The following ATP11A variants were observed in gnomAD, a reference collection of about 807,000 sequenced individuals.
ATP11A encodes the protein ATPase phospholipid transporting 11A, also known as phospholipid-transporting ATPase IH.
Under a neutral mutation model 154.4 loss-of-function variants are expected in ATP11A, and 81 were observed. The observed-to-expected ratio is 0.52, with a 90% CI of 0.44 to 0.63. The LOEUF (loss-of-function observed/expected upper bound fraction) is 0.63. ATP11A is among the 30% of genes least tolerant of loss of function. The pLI, the probability that ATP11A is intolerant of heterozygous loss-of-function variation, is 0.00. For synonymous variants in ATP11A, 623 were observed against 585.9 expected (o/e 1.06, Z -0.91); for missense variants, 1,316 against 1,474.3 (o/e 0.89, Z 1.76).
chr13:112,692,353 G>T (rs949009525), intron 1 of ATP11A, among the ~76,000 whole-genome samples: 1 of 152,148 alleles, frequency 6.6e-6, no homozygotes, highest in Non-Finnish European at 1.5e-5. Context: ...AGATGGATGG[G>T]CCAGCCCGGC....
At chr13:112,706,874 T>C (rs1031944307) in intron 1 of ATP11A, among the ~76,000 whole-genome samples, 4 of 152,264 alleles carry the variant, frequency 2.6e-5, no homozygotes, top group South Asian at 2.1e-4. Context: ...TCAATGTGGT[T>C]ATGCCACACA....
At chr13:112,692,249 G>A (rs1334256538) in intron 1 of ATP11A, among the ~76,000 whole-genome samples, 1 of 152,186 alleles carries the variant, frequency 6.6e-6, no homozygotes. Flanking sequence ...TGCCCGCGGT[G>A]TTCCCAGTTC....
chr13:112,753,825 C>G lies in ATP11A; in HGVS notation c.40-31310C>G, dbSNP rs2076754077. ...GACACATAAATTATTTAACTGCAGT[C>G]AAACAGGCTTATGTTAGAAGCGCTT... On this transcript the variant is annotated intron_variant, in intron 1 of 29. Transcript: ENST00000375645. The surrounding 1 kb of genome is among the most constrained non-coding windows in gnomAD (Gnocchi z 4.1). Among the ~76,000 whole-genome samples the G allele has an allele frequency of 6.6e-6, 1 of 152,142 alleles. No homozygotes were observed. Among genetic ancestry groups the G allele is most frequent in the Non-Finnish European group, 1.5e-5 (1 of 68,034 alleles).
chr13:112,773,224 T>TGCCCC (rs892768592), intron 1 of ATP11A, among the ~76,000 whole-genome samples: 1 of 149,582 alleles, frequency 6.7e-6, no homozygotes, highest in Non-Finnish European at 1.5e-5. Flanking sequence ...TGCCCTGCCC[T>TGCCCC]GCCCCACCAT....
chr13:112,848,551 A>C (rs2079671798), intron 17 of ATP11A, among the ~76,000 whole-genome samples: 1 of 152,194 alleles, frequency 6.6e-6, no homozygotes, highest in Non-Finnish European at 1.5e-5. Flanking sequence ...TTTTCTCTTT[A>C]TAGCCTAATC....
intron 1 of ATP11A, among the ~76,000 whole-genome samples, chr13:112,764,008 G>A (rs2077018957): frequency 6.6e-6 from 1 of 152,246 alleles, no homozygotes; most frequent in African/African-American, 2.4e-5. Context: ...TAAATTGATT[G>A]AGAGCCATTT....
chr13:112,740,120 T>C (rs1019852298), intron 1 of ATP11A, among the ~76,000 whole-genome samples: 6 of 146,216 alleles, frequency 4.1e-5, no homozygotes, highest in Non-Finnish European at 8.9e-5. Context: ...TTTTATAGCA[T>C]GTGAATTCTC....
intron 1 of ATP11A, among the ~76,000 whole-genome samples, chr13:112,759,175 A>G (rs919675941): frequency 6.6e-6 from 1 of 152,194 alleles, no homozygotes; most frequent in African/African-American, 2.4e-5. Flanking sequence ...CTGCAAGCAA[A>G]GGAAAGGATT....
rs887760561 is a variant in ATP11A at position 112,875,713 on chromosome 13, A to G, written c.3162-63A>G. ...CCCTGAACAGACGGCCTCTCCAGTG[A>G]GTAGAGAGGCCAGCCCCAGGGAGTA... On this transcript the variant is annotated intron_variant, in intron 27 of 29. Coordinates refer to ENST00000375645, the MANE Select transcript of ATP11A (RefSeq NM_015205.3). This position sits in a 1 kb window ranked among gnomAD's most constrained non-coding sequence, Gnocchi z 4.1. 3.2e-6 allele frequency: 5 copies of G among 1,554,244 alleles called. No individual in the cohort carries two copies. Among genetic ancestry groups the G allele is most frequent in the Non-Finnish European group, 4.4e-6 (5 of 1,139,564 alleles).
intron 1 of ATP11A, among the ~76,000 whole-genome samples, chr13:112,724,152 C>A (rs1889548325): frequency 8.0e-6 from 1 of 125,374 alleles, no homozygotes; most frequent in South Asian, 3.3e-4. Flanking sequence ...CCCCCTTTGC[C>A]CCTATTGCCC....
intron 22 of ATP11A, 53 bp downstream of exon 22, chr13:112,858,343 G>A (rs2079995676): frequency 6.4e-7 from 1 of 1,558,310 alleles, no homozygotes; most frequent in Admixed American, 1.8e-5. Flanking sequence ...CACGCACAGG[G>A]TGGCACGACC....
chr13:112,761,320 G>A (rs568371268), intron 1 of ATP11A, among the ~76,000 whole-genome samples: 1 of 152,246 alleles, frequency 6.6e-6, no homozygotes, highest in South Asian at 2.1e-4. Context: ...AAAAGAAAAT[G>A]GTACGCTCAG....
intron 3 of ATP11A, among the ~76,000 whole-genome samples, chr13:112,805,782 G>A (rs2078306813): frequency 6.6e-6 from 1 of 151,840 alleles, no homozygotes; most frequent in Admixed American, 6.6e-5. Flanking sequence ...AATATCTCGG[G>A]GTATGAGTTA....
chr13:112,792,945 T>G (rs894724391), intron 2 of ATP11A, among the ~76,000 whole-genome samples: 2 of 152,242 alleles, frequency 1.3e-5, no homozygotes, highest in African/African-American at 4.8e-5. Context: ...CTTCTGGTAA[T>G]TGGGGAGAAA....
chr13:112,826,659 G>A, intron 11 of ATP11A, 35 bp from the exon 12 acceptor site: 1 of 1,579,802 alleles, frequency 6.3e-7, no homozygotes, highest in Non-Finnish European at 8.7e-7. Context: ...GTCCCTCCTG[G>A]TGGAGGTGCT....
Position 112,721,273 on chromosome 13 carries a change from C to T in ATP11A, c.39+30818C>T, listed in dbSNP as rs79267715. 4.6e-3 allele frequency among the ~76,000 whole-genome samples: 702 copies of T among 152,138 alleles called. 4 individuals carry two copies. The highest frequency in any genetic ancestry group is 0.017 in the East Asian group (88 of 5,174). ...CCGCAGGTAACTTTTGTTTCCTTAG[C>T]GTTAGGGTCCATCTTAGTCAAGAAA... On this transcript the variant is annotated intron_variant, in intron 1 of 29. Coordinates refer to ENST00000375645, the MANE Select transcript of ATP11A (RefSeq NM_015205.3).
chr13:112,809,269 C>G (rs1228062789), intron 4 of ATP11A, among the ~76,000 whole-genome samples: 2 of 152,234 alleles, frequency 1.3e-5, no homozygotes, highest in Non-Finnish European at 2.9e-5. Flanking sequence ...GAAAAGCAAT[C>G]AGATGCCACA....
intron 12 of ATP11A, among the ~76,000 whole-genome samples, chr13:112,829,568 A>G (rs2079034990): frequency 6.6e-6 from 1 of 152,250 alleles, no homozygotes; most frequent in African/African-American, 2.4e-5. Flanking sequence ...TCAACACAAT[A>G]AAGGCCATAA....
At chr13:112,806,675 T>C (rs2078331006) in intron 4 of ATP11A, among the ~76,000 whole-genome samples, 1 of 151,242 alleles carries the variant, frequency 6.6e-6, no homozygotes, top group South Asian at 2.1e-4. Flanking sequence ...TGGTTTTGCT[T>C]TTTTTTTTCA....
Sources: allele counts gnomAD v4.1 joint callset (sites outside exome capture counted in the v4.1 genomes callset), GRCh38; gene constraint gnomAD v4.1.1; non-coding constraint Gnocchi (gnomAD v3.1); transcripts MANE v1.5; gene names NCBI Gene and HGNC (gene_info 2026-07-23, HGNC 2026-07-21).